The following CELF2 variants were observed in gnomAD, a reference collection of about 807,000 sequenced individuals.
CELF2 encodes CUGBP Elav-like family member 2, also known as CUG triplet repeat RNA-binding protein 2.
A neutral mutation model predicts 62.6 loss-of-function variants in CELF2; 8 were observed. That is an observed-to-expected ratio of 0.13 (90% CI 0.07 to 0.23). The LOEUF (loss-of-function observed/expected upper bound fraction) is 0.23. CELF2 is among the 10% of genes least tolerant of loss of function. The pLI, the probability that CELF2 is intolerant of heterozygous loss-of-function variation, is 1.00. For synonymous variants in CELF2, 258 were observed against 250.0 expected (o/e 1.03, Z -0.30); for missense variants, 333 against 671.0 (o/e 0.50, Z 5.56).
rs201264448 is a variant in CELF2 at position 11,045,749 on chromosome 10, TG to T, written c.74+27587del. 7.7e-3 allele frequency among the ~76,000 whole-genome samples: 1,170 copies of T among 152,190 alleles called. 9 individuals carry two copies. Among genetic ancestry groups the T allele is most frequent in the African/African-American group, 0.026 (1,071 of 41,510 alleles). ...CAGAGCTGTACATCATTCCATTTGT[TG>T]AAAAAGGGAACGGGGCCTACTGCTG... On this transcript the variant is annotated intron_variant, in intron 1 of 12. Coordinates refer to ENST00000633077, the MANE Select transcript of CELF2 (RefSeq NM_001326342.2).
rs760741019 is a variant in CELF2 at position 11,330,552 on chromosome 10, C to G, written c.*1499C>G. The stretch of plus-strand genomic sequence containing the variant: ...TCCCGTCATTGTTTCTGATGTCTTT[C>G]TGACCTCACATCATATTTGGTTCTC... On this transcript the variant is annotated 3_prime_UTR_variant, in exon 13 of 13. Coordinates refer to ENST00000633077, the MANE Select transcript of CELF2 (RefSeq NM_001326342.2). This position sits in a 1 kb window ranked among gnomAD's most constrained non-coding sequence, Gnocchi z 4.5. 2 of 152,544 alleles carry G rather than the reference C, an allele frequency of 1.3e-5. No homozygotes were observed. Among genetic ancestry groups the G allele is most frequent in the Non-Finnish European group, 2.9e-5 (2 of 68,028 alleles). 9.4% of individuals were successfully genotyped at this position (152,544 alleles called of 1,614,324 possible).
intron 2 of CELF2, among the ~76,000 whole-genome samples, chr10:11,200,213 C>G (rs1175564304): frequency 1.3e-5 from 2 of 152,194 alleles, no homozygotes; most frequent in African/African-American, 4.8e-5. Context: ...ACATGATTTT[C>G]AGTCTGCCTA....
intron 1 of CELF2, among the ~76,000 whole-genome samples, chr10:10,866,573 C>G (rs2060378160): frequency 6.9e-6 from 1 of 145,000 alleles, no homozygotes; most frequent in Non-Finnish European, 1.5e-5. Flanking sequence ...CCACTGCACT[C>G]CAGTCTGGGT....
chr10:10,730,501 A>T, the CELF2 span, among the ~76,000 whole-genome samples: 2 of 152,098 alleles, frequency 1.3e-5, no homozygotes, highest in African/African-American at 4.8e-5. Flanking sequence ...AAAAAAAAGT[A>T]GGTCTTTTCA....
chr10:10,749,651 T>G, the CELF2 span, among the ~76,000 whole-genome samples: 1 of 152,206 alleles, frequency 6.6e-6, no homozygotes, highest in Admixed American at 6.5e-5. Flanking sequence ...AATGTATACA[T>G]GAAAAGAAGG....
the CELF2 span, among the ~76,000 whole-genome samples, chr10:10,602,108 A>G: frequency 6.6e-6 from 1 of 152,102 alleles, no homozygotes; most frequent in Non-Finnish European, 1.5e-5. Context: ...CATGGTGTAT[A>G]TGTACAACAT....
chr10:10,563,139 T>G, the CELF2 span, among the ~76,000 whole-genome samples: 1 of 152,080 alleles, frequency 6.6e-6, no homozygotes, highest in Non-Finnish European at 1.5e-5. Flanking sequence ...ATAGAAGTCT[T>G]GAAGCCATCT....
At chr10:11,197,023 A>AAAG (rs2057828769) in intron 2 of CELF2, among the ~76,000 whole-genome samples, 1 of 9,314 alleles carries the variant, frequency 1.1e-4, no homozygotes, top group Non-Finnish European at 3.1e-4. Context: ...AAAGAAAGAA[A>AAAG]GAAAAGAAAG....
At chr10:10,662,626 C>T in the CELF2 span, among the ~76,000 whole-genome samples, 2 of 152,142 alleles carry the variant, frequency 1.3e-5, no homozygotes, top group Non-Finnish European at 2.9e-5. Context: ...AAAGTGACCC[C>T]CTTCTCCATG....
intron 9 of CELF2, among the ~76,000 whole-genome samples, chr10:11,313,803 AAAG>A (rs1417133623): frequency 5.9e-5 from 9 of 152,308 alleles, no homozygotes; most frequent in African/African-American, 2.2e-4. Context: ...AAAAAAAAAA[AAAG>A]AACTAAGCAA....
the CELF2 span, among the ~76,000 whole-genome samples, chr10:10,570,008 G>T: frequency 1.5e-4 from 23 of 152,150 alleles, no homozygotes; most frequent in Admixed American, 7.9e-4. Context: ...GAAAGAGAGT[G>T]CACTGGCTTC....
chr10:10,863,647 C>T (rs1351935149), intron 1 of CELF2, among the ~76,000 whole-genome samples: 1 of 152,104 alleles, frequency 6.6e-6, no homozygotes, highest in African/African-American at 2.4e-5. Flanking sequence ...ATTACTTTTG[C>T]ACCAACCTAA....
the CELF2 span, among the ~76,000 whole-genome samples, chr10:10,734,268 C>G: frequency 6.6e-6 from 1 of 152,126 alleles, no homozygotes; most frequent in African/African-American, 2.4e-5. Flanking sequence ...TTGGTAATAG[C>G]ACATATATTG....
At chr10:10,677,131 C>T in the CELF2 span, among the ~76,000 whole-genome samples, 13 of 152,228 alleles carry the variant, frequency 8.5e-5, no homozygotes, top group African/African-American at 3.1e-4. Flanking sequence ...GAGAAATCAG[C>T]CAAGATTATT....
At chr10:10,762,539 C>A in the CELF2 span, among the ~76,000 whole-genome samples, 17 of 152,092 alleles carry the variant, frequency 1.1e-4, no homozygotes. Context: ...GATGTCTACA[C>A]GTAGATCGAA....
the CELF2 span, among the ~76,000 whole-genome samples, chr10:10,662,999 T>C: frequency 6.6e-6 from 1 of 152,212 alleles, no homozygotes; most frequent in African/African-American, 2.4e-5. Context: ...CAAGGAGCTA[T>C]TGTTCCACTT....
Position 11,165,626 on chromosome 10 carries a change from C to T in CELF2, c.215C>T (p.Ala72Val). 1 of 1,614,176 alleles carries T rather than the reference C, an allele frequency of 6.2e-7. No individual in the cohort carries two copies. The highest frequency in any genetic ancestry group is 8.5e-7 in the Non-Finnish European group (1 of 1,180,014). Residue 72 changes from alanine (A) to valine (V), a missense_variant, in exon 2 of 13, where the codon GCC becomes GTC. By Grantham distance (64) the Ala-to-Val change is moderately conservative. Transcript: ENST00000633077. The surrounding 1 kb of genome is among the most constrained non-coding windows in gnomAD (Gnocchi z 7.4). Reference sequence around the variant, plus strand: ...AAAGAACTTTTTGAGCCTTACGGAGCCGTCTACCAGATCAACGTCCTCCGG... The same window carrying T: ...AAAGAACTTTTTGAGCCTTACGGAGTCGTCTACCAGATCAACGTCCTCCGG... ...ELKELFEPYG[A>V]VYQINVLRDR... is the part of the protein sequence containing the mutation.
At chr10:11,232,001 T>C (rs183630927) in intron 3 of CELF2, among the ~76,000 whole-genome samples, 110 of 152,378 alleles carry the variant, frequency 7.2e-4, no homozygotes, top group African/African-American at 2.5e-3. Context: ...CCATCTTTTT[T>C]TTTATTATAC....
chr10:10,826,847 A>G (rs1305506752), intron 1 of CELF2, among the ~76,000 whole-genome samples: 1 of 152,248 alleles, frequency 6.6e-6, no homozygotes, highest in African/African-American at 2.4e-5. Flanking sequence ...GAGAAGCAGA[A>G]TTATAGAATT....
Sources: gnomAD v4.1 joint callset for allele counts (sites outside exome capture counted in the v4.1 genomes callset) on GRCh38, gnomAD v4.1.1 for gene constraint, Gnocchi (gnomAD v3.1) non-coding constraint, MANE v1.5 for transcripts, NCBI Gene and HGNC (gene_info 2026-07-23, HGNC 2026-07-21) for gene names.